Variants in SHISAL1 observed in about 807,000 individuals in gnomAD.
SHISAL1 encodes shisa like 1, also known as protein shisa-like-1.
A neutral mutation model predicts 22.6 loss-of-function variants in SHISAL1; 9 were observed. The ratio of observed to expected loss-of-function variants is 0.40; its 90% CI spans 0.24 to 0.70. The LOEUF is 0.70. Among genes scored for constraint, SHISAL1 ranks in the 30% least tolerant of loss-of-function variants. SHISAL1 has a pLI of 0.39. For missense variants in SHISAL1, 246 were observed against 270.6 expected (o/e 0.91, Z 0.64); for synonymous variants, 119 against 115.4 (o/e 1.03, Z -0.20).
In SHISAL1 at chr22:44,312,811, G is replaced by A. The variant is rs1012383804; in HGVS notation, c.-93C>T. On this transcript the variant is annotated 5_prime_UTR_variant, in exon 1 of 5. Coordinates refer to ENST00000381176, the MANE Select transcript of SHISAL1 (RefSeq NM_001099294.2). ...CTCCGCTGGCTGCGGTCTCCCTGCAGCTGCTGGCCTCTTCCCCGGCTCCTG... is the reference window on the plus strand; with the variant it reads ...CTCCGCTGGCTGCGGTCTCCCTGCAACTGCTGGCCTCTTCCCCGGCTCCTG... 5.3e-5 allele frequency: 8 copies of A among 152,370 alleles called. No homozygotes were observed. The highest frequency in any genetic ancestry group is 1.4e-4 in the African/African-American group (6 of 41,466). The allele number at this position is 152,370 out of a possible 1,614,324, so 9.4% of individuals were successfully genotyped here.
chr22:44,252,190 T>A (rs1250232548), intron 4 of SHISAL1, among the ~76,000 whole-genome samples: 1 of 152,184 alleles, frequency 6.6e-6, no homozygotes, highest in African/African-American at 2.4e-5. Flanking sequence ...AAGTAAACTA[T>A]GACATATTCA....
Position 44,296,950 on chromosome 22 carries a change from G to C in SHISAL1, c.68-65C>G, listed in dbSNP as rs934639305. The C allele has an allele frequency of 8.6e-6, 11 of 1,285,540 alleles. No homozygotes were observed. The African/African-American group carries it at 1.2e-4, about 14-fold the overall frequency. The allele number at this position is 1,285,540 out of a possible 1,614,324, so 79.6% of individuals were successfully genotyped here. A position where few individuals can be genotyped will look rare whatever the true frequency, so the allele number is the denominator to read the frequency against. ...CAGTCCACGGGTGCCAAGAGGCAGGGGGACTGGCCGGCCTCTTCTCAGGTC... is the reference window on the plus strand; with the variant it reads ...CAGTCCACGGGTGCCAAGAGGCAGGCGGACTGGCCGGCCTCTTCTCAGGTC... On this transcript the variant is annotated intron_variant, in intron 2 of 4. Coordinates refer to ENST00000381176, the MANE Select transcript of SHISAL1 (RefSeq NM_001099294.2).
chr22:44,324,916 C>T, the SHISAL1 span, among the ~76,000 whole-genome samples: 2 of 152,162 alleles, frequency 1.3e-5, no homozygotes, highest in Admixed American at 6.5e-5. Context: ...TCCAGCCCAG[C>T]GCCCAGAAGC....
the SHISAL1 span, among the ~76,000 whole-genome samples, chr22:44,327,264 ACACAC>A: frequency 6.6e-6 from 1 of 151,654 alleles, no homozygotes; most frequent in Non-Finnish European, 1.5e-5. Flanking sequence ...ACACACACAC[ACACAC>A]ACACACACAC....
At chr22:44,278,676 C>T (rs1224316029) in intron 4 of SHISAL1, among the ~76,000 whole-genome samples, 1 of 152,134 alleles carries the variant, frequency 6.6e-6, no homozygotes, top group Admixed American at 6.5e-5. Context: ...GAGTTGTGTT[C>T]CCCAGGAGAA....
At chr22:44,331,201 G>T in the SHISAL1 span, among the ~76,000 whole-genome samples, 1 of 151,858 alleles carries the variant, frequency 6.6e-6, no homozygotes, top group Non-Finnish European at 1.5e-5. The surrounding 1 kb of genome is among the most constrained non-coding windows in gnomAD (Gnocchi z 5.2). Flanking sequence ...CCCCAGTGCC[G>T]AACACCGGCT....
At chr22:44,288,857 T>A (rs1271293897) in intron 3 of SHISAL1, among the ~76,000 whole-genome samples, 1 of 152,220 alleles carries the variant, frequency 6.6e-6, no homozygotes, top group Non-Finnish European at 1.5e-5. Flanking sequence ...AGCCACTGGA[T>A]TTCCCAGAAC....
At chr22:44,290,604 G>T (rs1334232015) in intron 3 of SHISAL1, among the ~76,000 whole-genome samples, 1 of 151,916 alleles carries the variant, frequency 6.6e-6, no homozygotes, top group Non-Finnish European at 1.5e-5. Context: ...GAGACAAGGT[G>T]GATGACTCTG....
intron 4 of SHISAL1, among the ~76,000 whole-genome samples, chr22:44,269,697 ACACT>A (rs1255221885): frequency 6.6e-6 from 1 of 150,452 alleles, no homozygotes; most frequent in Non-Finnish European, 1.5e-5. Context: ...ACCAAGCCAC[ACACT>A]CACAACACAT....
At chr22:44,329,533 C>T in the SHISAL1 span, among the ~76,000 whole-genome samples, 1 of 152,198 alleles carries the variant, frequency 6.6e-6, no homozygotes, top group African/African-American at 2.4e-5. Flanking sequence ...ATGCCTGAGA[C>T]AGTGCCAGGA....
At chr22:44,264,226 C>A (rs1324796411) in intron 4 of SHISAL1, among the ~76,000 whole-genome samples, 1 of 152,172 alleles carries the variant, frequency 6.6e-6, no homozygotes, top group African/African-American at 2.4e-5. Flanking sequence ...TGCACCTTCA[C>A]TGGGAGGAAA....
chr22:44,264,988 TAACACACACACAACAGAGACCCC>T (rs368196892), intron 4 of SHISAL1, among the ~76,000 whole-genome samples: 4,216 of 151,852 alleles, frequency 0.028, 206 homozygotes, highest in African/African-American at 0.098. Context: ...CCAGATCCCT[TAACACACACACAACAGAGACCCC>T]AACACACACA....
intron 4 of SHISAL1, among the ~76,000 whole-genome samples, chr22:44,250,431 G>A (rs895300301): frequency 3.3e-5 from 5 of 152,164 alleles, no homozygotes; most frequent in Admixed American, 3.3e-4. Flanking sequence ...AGATCTGCGG[G>A]GCACTTACTT....
intron 4 of SHISAL1, among the ~76,000 whole-genome samples, chr22:44,272,635 G>A (rs116490315): frequency 0.016 from 2,370 of 152,308 alleles, 64 homozygotes; most frequent in African/African-American, 0.055. Flanking sequence ...CCAGATGTGT[G>A]GCACAGACCA....
upstream of SHISAL1, among the ~76,000 whole-genome samples, chr22:44,317,794 C>T (rs2055567394): frequency 1.3e-5 from 2 of 152,236 alleles, no homozygotes; most frequent in South Asian, 4.1e-4. Flanking sequence ...TCCTCCCCCG[C>T]AGCATAGCAA....
In SHISAL1 at chr22:44,271,119, G is replaced by C. The variant is rs78324850; in HGVS notation, c.599+14309C>G. On this transcript the variant is annotated intron_variant, in intron 4 of 4. Coordinates refer to ENST00000381176, the MANE Select transcript of SHISAL1 (RefSeq NM_001099294.2). ...ACATCCCCTTTGATTTCATCCCCAT[G>C]ATCCCCTTGCCAGGTGGAGCTCATT... is the stretch of plus-strand genomic sequence containing the variant. 3.2e-3 allele frequency among the ~76,000 whole-genome samples: 492 copies of C among 152,198 alleles called. 2 individuals carry two copies. Among genetic ancestry groups the C allele is most frequent in the African/African-American group, 0.011 (472 of 41,506 alleles).
At chr22:44,305,868 A>C (rs2055467455) in intron 1 of SHISAL1, among the ~76,000 whole-genome samples, 2 of 152,086 alleles carry the variant, frequency 1.3e-5, no homozygotes, top group South Asian at 4.1e-4. Context: ...CTCTGGATGA[A>C]GGGGTCTGGG....
chr22:44,254,440 A>T (rs1186909446), intron 4 of SHISAL1, among the ~76,000 whole-genome samples: 2 of 152,044 alleles, frequency 1.3e-5, no homozygotes, highest in African/African-American at 4.8e-5. Flanking sequence ...AGTTCACTGC[A>T]ACCTCAAACT....
chr22:44,324,600 C>T, the SHISAL1 span, among the ~76,000 whole-genome samples: 1 of 152,222 alleles, frequency 6.6e-6, no homozygotes, highest in African/African-American at 2.4e-5. Flanking sequence ...TATCTGGTCT[C>T]ACAATAACCC....
Sources: allele counts gnomAD v4.1 joint callset (sites outside exome capture counted in the v4.1 genomes callset), GRCh38; gene constraint gnomAD v4.1.1; non-coding constraint Gnocchi (gnomAD v3.1); transcripts MANE v1.5; gene names NCBI Gene and HGNC (gene_info 2026-07-23, HGNC 2026-07-21).